Variants in EVI5 observed in about 807,000 individuals in gnomAD.
EVI5 encodes the protein ecotropic viral integration site 5, also known as ecotropic viral integration site 5 protein homolog.
In EVI5, 73 loss-of-function variants were observed where a neutral mutation model predicts 112.0. That is an observed-to-expected ratio of 0.65 (90% confidence interval 0.54 to 0.79). The LOEUF (loss-of-function observed/expected upper bound fraction) is 0.79, where lower values mean the gene tolerates loss of function less well. Ranked by LOEUF, EVI5 falls within the 30% of genes least tolerant of loss-of-function variation. EVI5 has a pLI of 0.00. For missense variants in EVI5, 900 were observed against 968.8 expected (o/e 0.93, Z 0.94); for synonymous variants, 305 against 319.9 (o/e 0.95, Z 0.50).
intron 2 of EVI5, among the ~76,000 whole-genome samples, chr1:92,712,325 T>C (rs141306963): frequency 6.6e-6 from 1 of 152,206 alleles, no homozygotes; most frequent in Admixed American, 6.5e-5. Context: ...GGGATTTCTC[T>C]AGTTCTGAAA....
chr1:92,676,189 T>G (rs1466708928), intron 10 of EVI5, among the ~76,000 whole-genome samples: 1 of 151,834 alleles, frequency 6.6e-6, no homozygotes, highest in Non-Finnish European at 1.5e-5. Context: ...ATAAGAAAAC[T>G]GGAGAGACTG....
At chr1:92,651,260 T>C (rs1179629946) in intron 13 of EVI5, among the ~76,000 whole-genome samples, 1 of 152,190 alleles carries the variant, frequency 6.6e-6, no homozygotes, top group East Asian at 1.9e-4. Flanking sequence ...ACAAAGTATT[T>C]ACACAAATTG....
intron 18 of EVI5, among the ~76,000 whole-genome samples, chr1:92,591,121 C>T (rs1046274461): frequency 6.6e-6 from 1 of 152,184 alleles, no homozygotes; most frequent in African/African-American, 2.4e-5. Context: ...AAGCACTAAA[C>T]ATGGAAAGGA....
intron 19 of EVI5, among the ~76,000 whole-genome samples, chr1:92,522,643 A>AAAAAG (rs917465427): frequency 6.6e-5 from 10 of 151,530 alleles, no homozygotes; most frequent in African/African-American, 2.4e-4. Context: ...AAAAAAAAAA[A>AAAAAG]AAAAAAAAGA....
intron 2 of EVI5, among the ~76,000 whole-genome samples, chr1:92,722,812 A>C (rs1054599623): frequency 2.6e-5 from 4 of 152,180 alleles, no homozygotes; most frequent in African/African-American, 9.7e-5. Flanking sequence ...AATCTTTCAA[A>C]TGTAGTAAAC....
At chr1:92,690,051 T>G (rs767406110) in intron 9 of EVI5, among the ~76,000 whole-genome samples, 5 of 151,834 alleles carry the variant, frequency 3.3e-5, no homozygotes, top group Non-Finnish European at 7.4e-5. Context: ...TAGCTTATTT[T>G]ATTTATTGCA....
At chr1:92,702,674 C>T (rs1318687711) in intron 4 of EVI5, among the ~76,000 whole-genome samples, 13 of 150,776 alleles carry the variant, frequency 8.6e-5, no homozygotes, top group African/African-American at 2.2e-4. Context: ...GGCGTAGTGG[C>T]GGGCGCATGT....
chr1:92,607,762 A>C, intron 16 of EVI5, 35 bp from the exon 17 acceptor site: 2 of 1,469,142 alleles, frequency 1.4e-6, no homozygotes, highest in Non-Finnish European at 1.8e-6. Context: ...GAGACTATAG[A>C]TACAAGACCT....
chr1:92,696,718 C>T (rs1670375020), intron 6 of EVI5, among the ~76,000 whole-genome samples: 1 of 151,874 alleles, frequency 6.6e-6, no homozygotes, highest in Admixed American at 6.6e-5. Context: ...ATATGTACCC[C>T]ATAATGTACA....
chr1:92,772,553 C>G (rs1683567499), intron 1 of EVI5, among the ~76,000 whole-genome samples: 1 of 150,370 alleles, frequency 6.7e-6, no homozygotes, highest in East Asian at 2.0e-4. Context: ...AATTCCACCA[C>G]TATTCATTTA....
intron 14 of EVI5, among the ~76,000 whole-genome samples, chr1:92,630,414 G>A (rs1292580901): frequency 6.6e-6 from 1 of 152,140 alleles, no homozygotes; most frequent in Non-Finnish European, 1.5e-5. Flanking sequence ...TTCTCTGATG[G>A]CCAGTGATGA....
At chr1:92,645,119 C>T (rs1040203761) in intron 13 of EVI5, among the ~76,000 whole-genome samples, 8 of 152,140 alleles carry the variant, frequency 5.3e-5, no homozygotes, top group African/African-American at 1.7e-4. Flanking sequence ...TTCACTCTAC[C>T]TTTCAGTTCT....
chr1:92,607,921 G>A (rs372248496), intron 16 of EVI5, among the ~76,000 whole-genome samples, 194 bp from the exon 17 acceptor site: 29 of 151,994 alleles, frequency 1.9e-4, no homozygotes, highest in East Asian at 1.4e-3. Flanking sequence ...TGAGGCGGGC[G>A]GATCACAAGG....
At chr1:92,583,414 G>A (rs889736023) in intron 18 of EVI5, among the ~76,000 whole-genome samples, 1 of 150,852 alleles carries the variant, frequency 6.6e-6, no homozygotes, top group African/African-American at 2.4e-5. Context: ...GAGAGGCTGA[G>A]GCAGGAGAAT....
chr1:92,789,922 T>C (rs113382566), upstream of EVI5, among the ~76,000 whole-genome samples: 12 of 152,238 alleles, frequency 7.9e-5, no homozygotes, highest in African/African-American at 2.9e-4. Context: ...CCTGGGAGCT[T>C]TTTAGAGAAC....
At chr1:92,679,930 G>A (rs1021342775) in intron 9 of EVI5, among the ~76,000 whole-genome samples, 1 of 152,142 alleles carries the variant, frequency 6.6e-6, no homozygotes, top group East Asian at 1.9e-4. Flanking sequence ...CACTATTGAT[G>A]TTGACCTTGA....
intron 14 of EVI5, among the ~76,000 whole-genome samples, chr1:92,626,966 G>C (rs1655804466): frequency 6.6e-6 from 1 of 152,102 alleles, no homozygotes. Context: ...TTTACCAATT[G>C]ATTCAAATGA....
intron 19 of EVI5, among the ~76,000 whole-genome samples, chr1:92,524,157 A>G (rs1400627348): frequency 6.6e-6 from 1 of 151,786 alleles, no homozygotes; most frequent in Non-Finnish European, 1.5e-5. Context: ...AAAAAAAAAA[A>G]AAAAGATTCT....
At chr1:92,647,834 G>C (rs145608716) in intron 13 of EVI5, among the ~76,000 whole-genome samples, 2,930 of 151,718 alleles carry the variant, frequency 0.019, 119 homozygotes, top group African/African-American at 0.067. Flanking sequence ...CCACCTCCTG[G>C]GTTCAAGTGA....
Sources: gnomAD v4.1 joint callset for allele counts (sites outside exome capture counted in the v4.1 genomes callset) on GRCh38, gnomAD v4.1.1 for gene constraint, MANE v1.5 for transcripts, NCBI Gene and HGNC (gene_info 2026-07-23, HGNC 2026-07-21) for gene names.